Variants in CDH13 observed in about 807,000 individuals in gnomAD.
CDH13 encodes cadherin 13, also known as cadherin-13.
In CDH13, 24 loss-of-function variants were observed where a neutral mutation model predicts 63.8. The observed-to-expected ratio is 0.38, with a 90% CI of 0.27 to 0.53. The LOEUF is 0.53. CDH13 is among the 20% of genes least tolerant of loss of function. The pLI, the probability that CDH13 is intolerant of heterozygous loss-of-function variation, is 0.85. For missense variants in CDH13, 1,049 were observed against 903.1 expected (o/e 1.16, Z -2.07); for synonymous variants, 503 against 355.3 (o/e 1.42, Z -4.67).
At chr16:83,770,617 G>T (rs1001533881) in intron 11 of CDH13, among the ~76,000 whole-genome samples, 4 of 152,206 alleles carry the variant, frequency 2.6e-5, no homozygotes, top group Admixed American at 6.5e-5. Flanking sequence ...GCCCATTTTT[G>T]AGGTTATTTA....
chr16:82,991,385 G>C (rs902973050), intron 2 of CDH13, among the ~76,000 whole-genome samples: 3 of 152,112 alleles, frequency 2.0e-5, no homozygotes, highest in Non-Finnish European at 4.4e-5. Context: ...AGTAAGGGGG[G>C]AGATGTAGAA....
At chr16:82,946,948 A>G (rs1302381055) in intron 2 of CDH13, among the ~76,000 whole-genome samples, 1 of 152,110 alleles carries the variant, frequency 6.6e-6, no homozygotes, top group Non-Finnish European at 1.5e-5. Context: ...GATTGGATAC[A>G]TACAATCAAA....
intron 3 of CDH13, among the ~76,000 whole-genome samples, chr16:83,053,883 A>G (rs1336483924): frequency 6.6e-6 from 1 of 152,162 alleles, no homozygotes; most frequent in Non-Finnish European, 1.5e-5. Context: ...GATAGTAGCA[A>G]AGTCTGTGTA....
chr16:83,582,392 G>C (rs1555577771), intron 7 of CDH13, among the ~76,000 whole-genome samples: 1 of 151,706 alleles, frequency 6.6e-6, no homozygotes, highest in African/African-American at 2.4e-5. Context: ...GGTTTTTTTT[G>C]TTTGTTTTGA....
intron 10 of CDH13, among the ~76,000 whole-genome samples, chr16:83,701,099 G>A (rs1477618122): frequency 1.3e-5 from 2 of 152,170 alleles, no homozygotes; most frequent in Non-Finnish European, 2.9e-5. Flanking sequence ...GAGTGCTCCA[G>A]CAGTGAGGGA....
intron 3 of CDH13, among the ~76,000 whole-genome samples, chr16:83,034,409 G>A (rs4366698): frequency 3.3e-5 from 5 of 152,052 alleles, no homozygotes; most frequent in African/African-American, 9.7e-5. Context: ...TGTTTCAGAG[G>A]AAACTGGATA....
Position 82,679,527 on chromosome 16 carries a change from C to T in CDH13, c.45+52390C>T, listed in dbSNP as rs78495461. ...TGGTAAGATGCCAAATGGTGGAAAC[C>T]GAGGCAGAAGATAGTCCTCTGGACA... On this transcript the variant is annotated intron_variant, in intron 1 of 13. Transcript: ENST00000567109. Among the ~76,000 whole-genome samples, 948 of 152,206 alleles carry T rather than the reference C, an allele frequency of 6.2e-3. 10 individuals are homozygous for T. The highest frequency in any genetic ancestry group is 0.021 in the African/African-American group (862 of 41,526).
In CDH13 at chr16:83,184,310, T is replaced by C. The variant is rs1597481107; in HGVS notation, c.484-33035T>C. On this transcript the variant is annotated intron_variant, in intron 4 of 13. Coordinates refer to ENST00000567109, the MANE Select transcript of CDH13 (RefSeq NM_001257.5). The stretch of plus-strand genomic sequence containing the variant: ...AATAATCAGCCTCTTACATTAACTC[T>C]AAAAAGTAAAACTCTGTCGACTCTT... Among the ~76,000 whole-genome samples, 6 of 152,294 alleles carry C rather than the reference T, an allele frequency of 3.9e-5. 1 individual carries two copies. Among genetic ancestry groups the C allele is most frequent in the Admixed American group, 3.9e-4 (6 of 15,294 alleles).
At chr16:83,585,100 T>A (rs1209436756) in intron 7 of CDH13, among the ~76,000 whole-genome samples, 1 of 152,128 alleles carries the variant, frequency 6.6e-6, no homozygotes, top group Non-Finnish European at 1.5e-5. Context: ...TCCCGAGCCA[T>A]GACTTAGATT....
In CDH13 at chr16:83,092,083, A is replaced by G. The variant is rs74033132; in HGVS notation, c.367-33302A>G. Reference sequence around the variant, plus strand: ...CATTATCCTACCAAGTTAAAGAACCATGAAATAATAAGTAATTCATATCAC... The same window carrying G: ...CATTATCCTACCAAGTTAAAGAACCGTGAAATAATAAGTAATTCATATCAC... On this transcript the variant is annotated intron_variant, in intron 3 of 13. Coordinates refer to ENST00000567109, the MANE Select transcript of CDH13 (RefSeq NM_001257.5). 2.0e-3 allele frequency among the ~76,000 whole-genome samples: 298 copies of G among 152,380 alleles called. 2 individuals carry two copies. The highest frequency in any genetic ancestry group is 7.0e-3 in the African/African-American group (290 of 41,598).
chr16:83,445,966 C>A (rs1440232149), intron 6 of CDH13, among the ~76,000 whole-genome samples: 1 of 152,096 alleles, frequency 6.6e-6, no homozygotes, highest in Non-Finnish European at 1.5e-5. Flanking sequence ...AGCATTATCC[C>A]CATCCCTCCC....
intron 8 of CDH13, among the ~76,000 whole-genome samples, chr16:83,617,521 A>C (rs1413476248): frequency 1.3e-5 from 2 of 151,580 alleles, no homozygotes; most frequent in African/African-American, 4.8e-5. Context: ...CACATATTCT[A>C]ATATATAATA....
intron 6 of CDH13, among the ~76,000 whole-genome samples, chr16:83,408,035 G>C (rs1033594918): frequency 1.2e-4 from 19 of 152,178 alleles, no homozygotes; most frequent in African/African-American, 4.6e-4. Context: ...TGGAGCGGCT[G>C]TGTCTCCTCC....
intron 5 of CDH13, among the ~76,000 whole-genome samples, chr16:83,298,199 C>T (rs1038545703): frequency 6.6e-6 from 1 of 151,936 alleles, no homozygotes; most frequent in Non-Finnish European, 1.5e-5. Context: ...GCAATGATCG[C>T]CCCACTGCAC....
At chr16:83,111,802 T>G (rs2035070484) in intron 3 of CDH13, among the ~76,000 whole-genome samples, 2 of 152,304 alleles carry the variant, frequency 1.3e-5, no homozygotes, top group South Asian at 2.1e-4. Flanking sequence ...TTTCATAGTT[T>G]CATCATTTTA....
At chr16:83,364,722 T>C (rs2091226285) in intron 6 of CDH13, among the ~76,000 whole-genome samples, 1 of 152,146 alleles carries the variant, frequency 6.6e-6, no homozygotes, top group Admixed American at 6.5e-5. Flanking sequence ...CACTGTTCTC[T>C]AGGGAAACAG....
At chr16:83,542,212 C>G (rs975723963) in intron 7 of CDH13, among the ~76,000 whole-genome samples, 4 of 152,208 alleles carry the variant, frequency 2.6e-5, no homozygotes, top group Non-Finnish European at 5.9e-5. Context: ...TCTAGACCAG[C>G]AGTTCTGAGC....
At chr16:83,333,491 C>G (rs568688353) in intron 5 of CDH13, among the ~76,000 whole-genome samples, 1 of 152,172 alleles carries the variant, frequency 6.6e-6, no homozygotes, top group South Asian at 2.1e-4. Context: ...GCTCTTTGGA[C>G]TACCTTTGAA....
chr16:83,506,683 C>A (rs1453261543), intron 7 of CDH13, among the ~76,000 whole-genome samples: 1 of 152,198 alleles, frequency 6.6e-6, no homozygotes, highest in Admixed American at 6.5e-5. Context: ...TAGGACATGG[C>A]AGAAATGACT....
Sources: allele counts gnomAD v4.1 joint callset (sites outside exome capture counted in the v4.1 genomes callset), GRCh38; gene constraint gnomAD v4.1.1; transcripts MANE v1.5; gene names NCBI Gene and HGNC (gene_info 2026-07-23, HGNC 2026-07-21).